CDK6: variants seen among roughly 807,000 people sequenced by gnomAD.
CDK6 encodes cyclin dependent kinase 6.
CDK6 carries 6 observed loss-of-function variants against 37.1 expected under a neutral mutation model. The observed-to-expected ratio is 0.16, with a 90% confidence interval of 0.09 to 0.32. The LOEUF (loss-of-function observed/expected upper bound fraction) is 0.32. Ranked by LOEUF, CDK6 falls within the 10% of genes least tolerant of loss-of-function variation. The pLI, the probability that CDK6 is intolerant of heterozygous loss-of-function variation, is 1.00. For missense variants in CDK6, 224 were observed against 418.9 expected, an observed-to-expected ratio of 0.53 and a Z score of 4.06; for synonymous variants, 160 against 161.3, an observed-to-expected ratio of 0.99 and a Z score of 0.06.
chr7:92,625,257 C>A (rs1161319758), intron 5 of CDK6, among the ~76,000 whole-genome samples: 1 of 150,048 alleles, frequency 6.7e-6, no homozygotes, highest in African/African-American at 2.5e-5. Context: ...CACACACACA[C>A]ACCTCTCTTA....
intron 2 of CDK6, among the ~76,000 whole-genome samples, chr7:92,808,165 C>T (rs571343223): frequency 6.6e-6 from 1 of 152,282 alleles, no homozygotes; most frequent in African/African-American, 2.4e-5. Context: ...AAGTAGAACT[C>T]CTGCTATTGC....
chr7:92,742,130 G>A (rs1425335507), intron 3 of CDK6, among the ~76,000 whole-genome samples: 3 of 152,136 alleles, frequency 2.0e-5, no homozygotes, highest in Non-Finnish European at 4.4e-5. Flanking sequence ...AAATATTTTA[G>A]AATGAAAACT....
rs2116476661 is a variant in CDK6 at position 92,615,170 on chromosome 7, G to A, written c.951C>T (p.Ser317=). 1 of 1,614,038 alleles carries A rather than the reference G, an allele frequency of 6.2e-7. No individual in the cohort carries two copies. Among genetic ancestry groups the A allele is most frequent in the East Asian group, 2.2e-5 (1 of 44,866 alleles). ...KENLDSHLPP[S]QNTSELNTA is the part of the protein sequence containing the mutation. ...CTGTATTCAGCTCCGAGGTGTTCTG[G>A]CTGGGCGGCAGGTGGGAATCCAGGT... The change falls in exon 8 of 8, where the codon AGC becomes AGT. Residue 317 remains serine, a synonymous_variant. Transcript: ENST00000424848.
chr7:92,737,603 A>G (rs1226661899), intron 3 of CDK6, among the ~76,000 whole-genome samples: 1 of 152,208 alleles, frequency 6.6e-6, no homozygotes, highest in Non-Finnish European at 1.5e-5. Flanking sequence ...TAATCAACAT[A>G]TATATTCTGA....
intron 2 of CDK6, among the ~76,000 whole-genome samples, chr7:92,798,782 G>T (rs1416553169): frequency 1.3e-5 from 2 of 152,072 alleles, no homozygotes; most frequent in African/African-American, 4.8e-5. Context: ...CCTAACTCCA[G>T]ACACTTCCTC....
intron 4 of CDK6, among the ~76,000 whole-genome samples, chr7:92,677,961 C>T (rs1797245286): frequency 6.6e-6 from 1 of 152,170 alleles, no homozygotes; most frequent in African/African-American, 2.4e-5. Flanking sequence ...ACTTCTGTGC[C>T]TCTAAAAACT....
chr7:92,674,864 C>T (rs895665484), intron 4 of CDK6, among the ~76,000 whole-genome samples: 1 of 152,194 alleles, frequency 6.6e-6, no homozygotes, highest in Admixed American at 6.5e-5. Context: ...CAGGGTCTTG[C>T]TCTGTTGCCC....
chr7:92,806,024 T>C (rs888695423), intron 2 of CDK6, among the ~76,000 whole-genome samples: 6 of 152,204 alleles, frequency 3.9e-5, no homozygotes, highest in Non-Finnish European at 7.3e-5. Flanking sequence ...ACAATGTGAA[T>C]GTACTTAATG....
intron 5 of CDK6, among the ~76,000 whole-genome samples, chr7:92,657,717 T>C (rs1334990494): frequency 6.6e-6 from 1 of 152,146 alleles, no homozygotes; most frequent in African/African-American, 2.4e-5. Flanking sequence ...TTCACTTATG[T>C]TTTCCACTTA....
intron 5 of CDK6, among the ~76,000 whole-genome samples, chr7:92,640,851 A>C (rs1194344556): frequency 6.6e-6 from 1 of 152,198 alleles, no homozygotes; most frequent in Non-Finnish European, 1.5e-5. Flanking sequence ...AATCATGAGA[A>C]TGAAAAAAAC....
chr7:92,823,088 A>G (rs1562975910), intron 2 of CDK6, among the ~76,000 whole-genome samples: 1 of 151,306 alleles, frequency 6.6e-6, no homozygotes, highest in Non-Finnish European at 1.5e-5. Flanking sequence ...ACTTTTATCA[A>G]CTAAAGTGAA....
chr7:92,772,232 AAG>A (rs1799734831), intron 3 of CDK6, among the ~76,000 whole-genome samples: 1 of 152,194 alleles, frequency 6.6e-6, no homozygotes, highest in African/African-American at 2.4e-5. Flanking sequence ...ATGAAGATAA[AAG>A]AGTCTTCTAA....
chr7:92,642,881 A>C (rs1001945131), intron 5 of CDK6, among the ~76,000 whole-genome samples: 1 of 151,650 alleles, frequency 6.6e-6, no homozygotes, highest in African/African-American at 2.4e-5. Context: ...CTTGAGACTC[A>C]GGCTGAAAAA....
At chr7:92,629,815 A>G (rs572588235) in intron 5 of CDK6, among the ~76,000 whole-genome samples, 16 of 152,250 alleles carry the variant, frequency 1.1e-4, no homozygotes, top group Non-Finnish European at 1.9e-4. Flanking sequence ...TAGGGTGGAA[A>G]GCCTGAGATC....
intron 2 of CDK6, among the ~76,000 whole-genome samples, chr7:92,818,375 G>A (rs1476718938): frequency 2.6e-5 from 4 of 151,814 alleles, no homozygotes; most frequent in African/African-American, 4.8e-5. Flanking sequence ...TAAATGGTGC[G>A]GAAATAGCTG....
Position 92,615,066 on chromosome 7 carries a change from G to A in CDK6, c.*74C>T, listed in dbSNP as rs183777994. The A allele has an allele frequency of 1.1e-5, 16 of 1,508,354 alleles. No individual in the cohort carries two copies. The Admixed American group carries it at 2.8e-4, about 26-fold the overall frequency. The allele number at this position is 1,508,354 out of a possible 1,614,324, so 93.4% of individuals were successfully genotyped here. A position where few individuals can be genotyped will look rare whatever the true frequency, so the allele number is the denominator to read the frequency against. ...GATAGCAATCCTCCACAGCTCTGTA[G>A]GGCTTGCTGAGGGGGACCCATAAGC... On this transcript the variant is annotated 3_prime_UTR_variant, in exon 8 of 8. Transcript: ENST00000424848.
chr7:92,666,944 G>C (rs1171232749), intron 5 of CDK6, among the ~76,000 whole-genome samples: 1 of 152,076 alleles, frequency 6.6e-6, no homozygotes, highest in Non-Finnish European at 1.5e-5. Context: ...AGGTATCCTA[G>C]AAGAAGGCAT....
intron 5 of CDK6, among the ~76,000 whole-genome samples, chr7:92,664,095 C>T (rs982414581): frequency 8.6e-5 from 13 of 150,292 alleles, no homozygotes; most frequent in East Asian, 2.0e-4. Flanking sequence ...GAGCCAAGAT[C>T]GTGCCACTGC....
intron 2 of CDK6, among the ~76,000 whole-genome samples, chr7:92,792,288 A>C (rs1031517010): frequency 1.3e-5 from 2 of 152,276 alleles, no homozygotes; most frequent in South Asian, 2.1e-4. Context: ...GTTGTTAAAC[A>C]AAGTTGAATC....
Sources: allele counts gnomAD v4.1 joint callset (sites outside exome capture counted in the v4.1 genomes callset), GRCh38; gene constraint gnomAD v4.1.1; transcripts MANE v1.5; gene names NCBI Gene and HGNC (gene_info 2026-07-23, HGNC 2026-07-21).